Variants in VIPR1 observed in about 807,000 individuals in gnomAD.
The protein encoded by VIPR1 is vasoactive intestinal polypeptide receptor 1.
In VIPR1, 59 loss-of-function variants were observed where a neutral mutation model predicts 58.8. That is an observed-to-expected ratio of 1.00 (90% CI 0.81 to 1.25). The LOEUF (loss-of-function observed/expected upper bound fraction) is 1.25. Ranked by LOEUF, VIPR1 falls within the 50% of genes most tolerant of loss-of-function variation. The probability of loss-of-function intolerance (pLI) is 0.00; values close to 1 mark genes in which losing one functional copy is unlikely to be tolerated. For synonymous variants in VIPR1, 251 were observed against 242.1 expected (o/e 1.04, Z -0.34); for missense variants, 626 against 602.7 (o/e 1.04, Z -0.40).
Position 42,531,018 on chromosome 3 carries a change from T to A in VIPR1, c.790+86T>A, listed in dbSNP as rs1399686386. On this transcript the variant is annotated intron_variant, in intron 7 of 12. Transcript: ENST00000325123. Reference sequence around the variant, plus strand: ...CTAGGGGGAGGGTGCCAACCCAGCTTGCAGTCCTACGTCTTGCTTAGCTGC... The same window carrying A: ...CTAGGGGGAGGGTGCCAACCCAGCTAGCAGTCCTACGTCTTGCTTAGCTGC... The A allele has an allele frequency of 3.2e-6, 5 of 1,540,996 alleles. No homozygotes were observed. In the African/African-American group the frequency reaches 4.1e-5, roughly 13 times the overall value.
intron 1 of VIPR1, among the ~76,000 whole-genome samples, chr3:42,491,790 G>A (rs1699671413): frequency 6.6e-6 from 1 of 152,170 alleles, no homozygotes; most frequent in African/African-American, 2.4e-5. Context: ...GGCCAGGCTG[G>A]TCTCGAACTC....
intron 2 of VIPR1, among the ~76,000 whole-genome samples, chr3:42,517,356 T>C (rs1700684540): frequency 1.3e-5 from 2 of 152,186 alleles, no homozygotes; most frequent in African/African-American, 2.4e-5. Flanking sequence ...TGACTTTGGC[T>C]CAGGGGTTGG....
At chr3:42,498,787 C>T (rs1699813133), upstream of VIPR1, among the ~76,000 whole-genome samples, 2 of 152,196 alleles carry the variant, frequency 1.3e-5, no homozygotes, top group Admixed American at 6.5e-5. Flanking sequence ...GACACAGTCA[C>T]GTCCCCAATC....
At chr3:42,531,314 G>A (rs1286961063) in intron 7 of VIPR1, 157 bp from the exon 8 acceptor site, 12 of 749,628 alleles carry the variant, frequency 1.6e-5, no homozygotes, top group Admixed American at 6.5e-5. Context: ...GCATCCCTCC[G>A]TGGTGAACAA....
At chr3:42,527,101 C>T (rs750629879) in intron 4 of VIPR1, among the ~76,000 whole-genome samples, 3 of 152,070 alleles carry the variant, frequency 2.0e-5, no homozygotes, top group Admixed American at 6.5e-5. Flanking sequence ...ACAAAAGGGA[C>T]GTGCAAGGTC....
rs77505708 is a variant in VIPR1, at chr3:42,534,538, G to A, written c.1011-437G>A. The stretch of plus-strand genomic sequence containing the variant: ...GGAACCAGAATCTCTTGTTGCCTAA[G>A]AGATTTTCTACTGCTCTTGATGGCT... On this transcript the variant is annotated intron_variant, in intron 10 of 12. Coordinates refer to ENST00000325123, the MANE Select transcript of VIPR1 (RefSeq NM_004624.4). 6.6e-3 allele frequency: 1,026 copies of A among 155,392 alleles called. 21 individuals carry two copies. The highest frequency in any genetic ancestry group is 0.024 in the African/African-American group (991 of 41,582). The allele number at this position is 155,392 out of a possible 1,614,324, so 9.6% of individuals were successfully genotyped here.
Position 42,535,090 on chromosome 3 carries a change from G to A in VIPR1, c.1126G>A (p.Val376Met), listed in dbSNP as rs766844110. The stretch of plus-strand genomic sequence containing the variant: ...AGTGAAGATGGTCTTTGAGCTCGTC[G>A]TGGGGTCTTTCCAGGTATGGGCTGT... ...PEVKMVFELV[V>M]GSFQGFVVAI... Residue 376 changes from valine to methionine, a missense_variant, in exon 11 of 13, where the codon GTG (valine) becomes ATG (methionine). Physicochemically the swap from Val to Met is conservative, Grantham distance 21. Transcript: ENST00000325123. 4.5e-5 allele frequency: 73 copies of A among 1,614,112 alleles called. No homozygotes were observed. Among genetic ancestry groups the A allele is most frequent in the Non-Finnish European group, 5.8e-5 (68 of 1,180,046 alleles).
chr3:42,523,604 T>C (rs901888786), intron 3 of VIPR1, among the ~76,000 whole-genome samples: 3 of 129,824 alleles, frequency 2.3e-5, no homozygotes, highest in Non-Finnish European at 3.5e-5. Context: ...CCTCCGCCAC[T>C]ACACACACAC....
intron 1 of VIPR1, chr3:42,511,672 G>A (rs956863383): frequency 6.6e-6 from 1 of 152,348 alleles, no homozygotes; most frequent in Non-Finnish European, 1.5e-5. Flanking sequence ...CCAGAAAGCA[G>A]AAAGAACCCT....
chr3:42,519,291 G>A lies in VIPR1; in HGVS notation c.253G>A (p.Ala85Thr). Residue 85 changes from alanine to threonine, a missense_variant, in exon 3 of 13, where the codon GCC (alanine) becomes ACC (threonine). Ala to Thr is a moderately conservative substitution (Grantham distance 58). Transcript: ENST00000325123. ...CCCTCGGGGCCAGGTAGTTGTCTTGGCCTGTCCCCTCATCTTCAAGCTCTT... is the reference window on the plus strand; with the variant it reads ...CCCTCGGGGCCAGGTAGTTGTCTTGACCTGTCCCCTCATCTTCAAGCTCTT... ...ATPRGQVVVL[A>T]CPLIFKLFSS... 2 of 1,610,766 alleles carry A rather than the reference G, an allele frequency of 1.2e-6. No homozygotes were observed. The highest frequency in any genetic ancestry group is 2.2e-5 in the South Asian group (2 of 90,218).
chr3:42,519,864 C>T (rs1248702888), intron 3 of VIPR1, among the ~76,000 whole-genome samples: 1 of 152,204 alleles, frequency 6.6e-6, no homozygotes, highest in Non-Finnish European at 1.5e-5. Context: ...AAGCACTTAC[C>T]AGTGTGCCAG....
At chr3:42,509,268 G>T (rs1700257912) in intron 1 of VIPR1, 1 of 152,198 alleles carries the variant, frequency 6.6e-6, no homozygotes, top group Non-Finnish European at 1.5e-5. Context: ...GTGCTACTTG[G>T]CTCCTCCTGC....
intron 1 of VIPR1, chr3:42,512,854 C>A (rs1472872245): frequency 4.1e-6 from 4 of 985,456 alleles, no homozygotes; most frequent in Non-Finnish European, 4.8e-6. Context: ...TCCATGGAGG[C>A]CTTCACCCAC....
At chr3:42,503,368 C>A (rs1003503730) in intron 1 of VIPR1, among the ~76,000 whole-genome samples, 1 of 152,068 alleles carries the variant, frequency 6.6e-6, no homozygotes, top group African/African-American at 2.4e-5. Context: ...CAAAAAGGTA[C>A]CAGACCCCAA....
chr3:42,505,804 G>A (rs1041096328), intron 1 of VIPR1, among the ~76,000 whole-genome samples: 3 of 152,192 alleles, frequency 2.0e-5, no homozygotes, highest in Admixed American at 6.5e-5. Flanking sequence ...GAAGGGCCTC[G>A]GGTTCCTCAC....
At chr3:42,531,444 C>A in intron 7 of VIPR1, 27 bp from the exon 8 acceptor site, 1 of 1,561,210 alleles carries the variant, frequency 6.4e-7, no homozygotes, top group East Asian at 2.4e-5. Flanking sequence ...GCCCTCTCTG[C>A]TCTTTCACTC....
chr3:42,495,942 G>T (rs1699750708), intron 1 of VIPR1, among the ~76,000 whole-genome samples: 1 of 151,782 alleles, frequency 6.6e-6, no homozygotes, highest in African/African-American at 2.4e-5. Flanking sequence ...TCAAGCAGAA[G>T]ACCCAGCTAA....
intron 1 of VIPR1, chr3:42,512,692 G>A (rs1577214383): frequency 2.1e-6 from 2 of 965,586 alleles, no homozygotes; most frequent in Non-Finnish European, 2.5e-6. Context: ...TCTGATTCTG[G>A]AGTGGTCTTG....
intron 1 of VIPR1, among the ~76,000 whole-genome samples, chr3:42,510,074 C>G (rs1700292862): frequency 6.6e-6 from 1 of 152,222 alleles, no homozygotes; most frequent in Admixed American, 6.5e-5. Flanking sequence ...CAGGCCCTTC[C>G]CAATCCTACC....
Sources: allele counts gnomAD v4.1 joint callset (sites outside exome capture counted in the v4.1 genomes callset), GRCh38; gene constraint gnomAD v4.1.1; transcripts MANE v1.5; gene names NCBI Gene and HGNC (gene_info 2026-07-23, HGNC 2026-07-21).